The following ZFAT variants were observed in gnomAD, a reference collection of about 807,000 sequenced individuals.
ZFAT encodes zinc finger and AT-hook domain containing, also known as zinc finger protein ZFAT.
Under a neutral mutation model 117.7 loss-of-function variants are expected in ZFAT, and 64 were observed. The observed-to-expected ratio is 0.54, with a 90% CI of 0.44 to 0.67. The LOEUF (loss-of-function observed/expected upper bound fraction) is 0.67. Among genes scored for constraint, ZFAT ranks in the 30% least tolerant of loss-of-function variants. ZFAT has a pLI of 0.00. For missense variants in ZFAT, 1,433 were observed against 1,584.5 expected, an observed-to-expected ratio of 0.90 and a Z score of 1.62; for synonymous variants, 679 against 615.0, an observed-to-expected ratio of 1.10 and a Z score of -1.54.
intron 10 of ZFAT, among the ~76,000 whole-genome samples, chr8:134,579,695 A>T (rs1445552605): frequency 1.3e-5 from 2 of 152,228 alleles, no homozygotes; most frequent in African/African-American, 4.8e-5. Context: ...TCATGCCTGT[A>T]ACCCCAGCAC....
intron 2 of ZFAT, among the ~76,000 whole-genome samples, chr8:134,648,503 C>A (rs1831027931): frequency 6.6e-6 from 1 of 151,766 alleles, no homozygotes; most frequent in South Asian, 2.1e-4. Context: ...TTACAAAAAT[C>A]AAAATAATTA....
chr8:134,656,929 C>G (rs1002389428), intron 2 of ZFAT, among the ~76,000 whole-genome samples: 1 of 152,224 alleles, frequency 6.6e-6, no homozygotes, highest in Non-Finnish European at 1.5e-5. Context: ...TGTCCAGACA[C>G]TACAGACAAG....
chr8:134,677,824 C>T (rs771030943), intron 1 of ZFAT, among the ~76,000 whole-genome samples: 4 of 152,104 alleles, frequency 2.6e-5, no homozygotes, highest in African/African-American at 2.4e-5. Context: ...TCATCTATCA[C>T]GTAAACAGAA....
intron 15 of ZFAT, 51 bp downstream of exon 15, chr8:134,509,567 AC>A: frequency 6.2e-7 from 1 of 1,609,222 alleles, no homozygotes; most frequent in South Asian, 1.1e-5. Context: ...GAAGGAGAGA[AC>A]CTGACTGTGA....
chr8:134,788,220 G>A, the ZFAT span, among the ~76,000 whole-genome samples: 1 of 152,050 alleles, frequency 6.6e-6, no homozygotes, highest in Non-Finnish European at 1.5e-5. Flanking sequence ...AAATAGTTTA[G>A]GTAATTGACT....
chr8:134,812,433 T>A, the ZFAT span, among the ~76,000 whole-genome samples: 2 of 152,174 alleles, frequency 1.3e-5, no homozygotes, highest in Non-Finnish European at 2.9e-5. Flanking sequence ...AACCAGCCAC[T>A]TAAAATGTAT....
At chr8:134,670,831 A>T (rs1832525809) in intron 1 of ZFAT, among the ~76,000 whole-genome samples, 1 of 152,248 alleles carries the variant, frequency 6.6e-6, no homozygotes, top group Non-Finnish European at 1.5e-5. Flanking sequence ...TTTTGAAAAG[A>T]TCAACAAAAT....
chr8:134,590,381 T>G (rs1173288114), intron 7 of ZFAT, 26 bp from the exon 8 acceptor site: 1 of 1,571,902 alleles, frequency 6.4e-7, no homozygotes, highest in Non-Finnish European at 8.7e-7. Flanking sequence ...ACATAATCAG[T>G]TGACTTTCTC....
chr8:134,602,848 T>G lies in ZFAT; in HGVS notation c.871A>C (p.Arg291=), dbSNP rs1247927031. 1 of 1,608,690 alleles carries G rather than the reference T, an allele frequency of 6.2e-7. No individual in the cohort carries two copies. The highest frequency in any genetic ancestry group is 1.7e-5 in the Admixed American group (1 of 59,630). ...KFKHSLQAHL[R]IHTNEKPYKC... ...TATGGCTTTTCATTGGTGTGGATCC[T>G]CAGGTGGGCCTGCAGCGAGTGCTTG... Residue 291 remains arginine, a synonymous_variant, in exon 6 of 16, where the codon AGG becomes CGG. Transcript: ENST00000377838.
intron 10 of ZFAT, among the ~76,000 whole-genome samples, chr8:134,570,622 C>A (rs1824823237): frequency 6.6e-6 from 1 of 152,146 alleles, no homozygotes; most frequent in East Asian, 1.9e-4. Flanking sequence ...GAGGTGAGAG[C>A]ATCCTGGAGG....
chr8:134,816,327 A>G, the ZFAT span, among the ~76,000 whole-genome samples: 1 of 152,178 alleles, frequency 6.6e-6, no homozygotes, highest in Non-Finnish European at 1.5e-5. Context: ...TATTTTGCCA[A>G]TTATGCTCTA....
intron 2 of ZFAT, 74 bp downstream of exon 2, chr8:134,657,487 G>T: frequency 7.1e-7 from 1 of 1,402,540 alleles, no homozygotes; most frequent in Non-Finnish European, 9.6e-7. Context: ...CTAGGCTTCT[G>T]CTATGCCCAC....
chr8:134,657,787 T>C, intron 1 of ZFAT, 50 bp from the exon 2 acceptor site: 2 of 1,574,638 alleles, frequency 1.3e-6, no homozygotes, highest in South Asian at 1.2e-5. Context: ...ACATAAACAA[T>C]TATTACTTCC....
intron 1 of ZFAT, among the ~76,000 whole-genome samples, chr8:134,671,307 G>C (rs1010819469): frequency 6.6e-6 from 1 of 152,086 alleles, no homozygotes; most frequent in Non-Finnish European, 1.5e-5. Context: ...CAAAAAAAGA[G>C]AATTTTAGAC....
At chr8:134,795,185 A>G in the ZFAT span, 2 of 152,342 alleles carry the variant, frequency 1.3e-5, no homozygotes, top group East Asian at 3.9e-4. Flanking sequence ...TGTCATTTGT[A>G]TGATAACGAA....
intron 15 of ZFAT, among the ~76,000 whole-genome samples, chr8:134,480,424 CA>C (rs1384867957): frequency 6.6e-6 from 1 of 152,238 alleles, no homozygotes; most frequent in Non-Finnish European, 1.5e-5. Context: ...ACTGTTTCCC[CA>C]GAGCCAAGCT....
At chr8:134,551,628 T>C (rs1233203917) in intron 11 of ZFAT, among the ~76,000 whole-genome samples, 1 of 152,202 alleles carries the variant, frequency 6.6e-6, no homozygotes, top group Non-Finnish European at 1.5e-5. Flanking sequence ...TTTATAAATG[T>C]GTGGCTTCCA....
chr8:134,536,797 T>C (rs904382011), intron 11 of ZFAT, among the ~76,000 whole-genome samples: 1 of 152,162 alleles, frequency 6.6e-6, no homozygotes, highest in Non-Finnish European at 1.5e-5. Context: ...AAAGATTAAA[T>C]GTTATCTAGG....
the ZFAT span, among the ~76,000 whole-genome samples, chr8:134,819,509 GCCC>G: frequency 1.3e-4 from 3 of 23,628 alleles, no homozygotes; most frequent in Admixed American, 5.0e-4. Flanking sequence ...CCCCCCCCCC[GCCC>G]CCCAACACAC....
Sources: allele counts gnomAD v4.1 joint callset (sites outside exome capture counted in the v4.1 genomes callset), GRCh38; gene constraint gnomAD v4.1.1; transcripts MANE v1.5; gene names NCBI Gene and HGNC (gene_info 2026-07-23, HGNC 2026-07-21).